Variants in BICC1 observed in about 807,000 individuals in gnomAD.
BICC1 encodes the protein protein bicaudal C homolog 1.
In BICC1, 43 loss-of-function variants were observed where a neutral mutation model predicts 111.0. The ratio of observed to expected loss-of-function variants is 0.39; its 90% CI spans 0.30 to 0.50. The LOEUF (loss-of-function observed/expected upper bound fraction) is 0.50. BICC1 is among the 20% of genes least tolerant of loss of function. The pLI, the probability that BICC1 is intolerant of heterozygous loss-of-function variation, is 0.88. For missense variants in BICC1, 1,091 were observed against 1,203.2 expected (o/e 0.91, Z 1.38); for synonymous variants, 467 against 434.4 (o/e 1.07, Z -0.93).
At chr10:58,732,263 G>GGAGA (rs142434746) in intron 3 of BICC1, among the ~76,000 whole-genome samples, 8 of 144,536 alleles carry the variant, frequency 5.5e-5, no homozygotes, top group Admixed American at 3.5e-4. Context: ...GTGGGGATGG[G>GGAGA]GAGAGAGAGA....
intron 2 of BICC1, among the ~76,000 whole-genome samples, chr10:58,686,100 A>C (rs1398464058): frequency 6.6e-6 from 1 of 152,052 alleles, no homozygotes; most frequent in East Asian, 1.9e-4. Context: ...TCTGTAAAGG[A>C]TTTTATTTCT....
intron 3 of BICC1, among the ~76,000 whole-genome samples, chr10:58,714,270 C>T (rs1840667178): frequency 6.6e-6 from 1 of 152,112 alleles, no homozygotes; most frequent in Admixed American, 6.5e-5. Flanking sequence ...ACCTGGCTTC[C>T]CTTTTTGTAG....
chr10:58,671,196 G>A (rs901560764), intron 2 of BICC1, among the ~76,000 whole-genome samples: 1 of 152,100 alleles, frequency 6.6e-6, no homozygotes, highest in African/African-American at 2.4e-5. Context: ...GATTAGAATT[G>A]TCTGCAGACA....
At chr10:58,584,090 ACACAC>A (rs1335394771) in intron 1 of BICC1, among the ~76,000 whole-genome samples, 36 of 151,756 alleles carry the variant, frequency 2.4e-4, no homozygotes, top group African/African-American at 7.5e-4. Flanking sequence ...ACACACACAC[ACACAC>A]ACACAGTTTT....
intron 1 of BICC1, among the ~76,000 whole-genome samples, chr10:58,582,800 C>T (rs1004880440): frequency 1.3e-5 from 2 of 152,182 alleles, no homozygotes; most frequent in African/African-American, 2.4e-5. Context: ...AGCAGCAAAG[C>T]ACCTGATTCT....
At chr10:58,675,468 C>G (rs1839311107) in intron 2 of BICC1, among the ~76,000 whole-genome samples, 2 of 151,996 alleles carry the variant, frequency 1.3e-5, no homozygotes, top group Admixed American at 1.3e-4. Flanking sequence ...CAATTTGCAA[C>G]AACAAGGGTG....
At chr10:58,587,020 G>A (rs369639012) in intron 1 of BICC1, among the ~76,000 whole-genome samples, 1 of 152,170 alleles carries the variant, frequency 6.6e-6, no homozygotes. Context: ...GGATAAGAAT[G>A]TTCTTTACTG....
chr10:58,687,386 G>C (rs565457034), intron 2 of BICC1, among the ~76,000 whole-genome samples: 7 of 152,348 alleles, frequency 4.6e-5, no homozygotes, highest in Non-Finnish European at 7.3e-5. Context: ...AACCACTACT[G>C]TCTTCAAAGC....
intron 3 of BICC1, among the ~76,000 whole-genome samples, chr10:58,761,500 A>T (rs1370570977): frequency 6.6e-6 from 1 of 152,172 alleles, no homozygotes; most frequent in Non-Finnish European, 1.5e-5. Flanking sequence ...TTTCCCATTT[A>T]TGTTAATTAG....
intron 3 of BICC1, among the ~76,000 whole-genome samples, chr10:58,739,074 A>T (rs553397222): frequency 0.01 from 1,570 of 152,110 alleles, 9 homozygotes; most frequent in Non-Finnish European, 0.017. Context: ...AATACCCTTT[A>T]TTTCCTTCTC....
chr10:58,611,601 A>G (rs984074975), intron 1 of BICC1, among the ~76,000 whole-genome samples: 5 of 151,164 alleles, frequency 3.3e-5, no homozygotes, highest in Non-Finnish European at 7.4e-5. Context: ...TCAGCCTCCC[A>G]AGTAGCTGGG....
rs900159845 is a variant in BICC1 at position 58,796,442 on chromosome 10, C to G, written c.1282C>G (p.Pro428Ala). ...ESSGVTIATS[P>A]SPASCPAGLA... Reference sequence around the variant, plus strand: ...CAGTGGGGTTACCATAGCAACCAGTCCATCCCCAGCATCCTGCCCTGCCGG... The same window carrying G: ...CAGTGGGGTTACCATAGCAACCAGTGCATCCCCAGCATCCTGCCCTGCCGG... The change falls in exon 10 of 21, where the codon CCA becomes GCA. Residue 428 changes from proline to alanine, a missense_variant. By Grantham distance (27) the Pro-to-Ala change is conservative. Around this residue, in one of 3 missense-constraint regions of BICC1, gnomAD observed 843 missense variants for 900.8 expected, o/e 0.94. Coordinates refer to ENST00000373886, the MANE Select transcript of BICC1 (RefSeq NM_001080512.3). 1 of 1,614,132 alleles carries G rather than the reference C, an allele frequency of 6.2e-7. No homozygotes were observed.
chr10:58,586,629 A>C (rs1181552621), intron 1 of BICC1, among the ~76,000 whole-genome samples: 5 of 33,018 alleles, frequency 1.5e-4, no homozygotes, highest in Non-Finnish European at 2.1e-4. Flanking sequence ...AAAAAAAAAA[A>C]AAACAAAAAA....
rs976035620 is a variant in BICC1, at chr10:58,710,191, G to A, written c.307+8048G>A. On this transcript the variant is annotated intron_variant, in intron 3 of 20. Transcript: ENST00000373886. ...GATGAAGAAACTAAAGCCAGTAAAG[G>A]TAGGTTAGTTTGCCCATGGTTTTCC... Among the ~76,000 whole-genome samples, 3 of 152,220 alleles carry A rather than the reference G, an allele frequency of 2.0e-5. No homozygotes were observed. In the East Asian group the frequency reaches 5.8e-4, roughly 29 times the overall value.
rs1844489598 is a variant in BICC1 at position 58,829,211 on chromosome 10, T to TTC, written c.*321_*322insCT. On this transcript the variant is annotated 3_prime_UTR_variant, in exon 21 of 21. Transcript: ENST00000373886. Reference sequence around the variant, plus strand: ...TGATGATTTTTTTTTTTTTTTTTTTTTTTTTTTTTTTACTTAAAATGAAGG... The same window carrying TTC: ...TGATGATTTTTTTTTTTTTTTTTTTTTCTTTTTTTTTTTACTTAAAATGAAGG... 1 of 160,960 alleles carries TTC rather than the reference T, an allele frequency of 6.2e-6. No individual in the cohort carries two copies. The highest frequency in any genetic ancestry group is 2.5e-5 in the African/African-American group (1 of 39,928). The allele number at this position is 160,960 out of a possible 1,614,324, so 10.0% of individuals were successfully genotyped here.
At chr10:58,604,295 G>C (rs1845137893) in intron 1 of BICC1, among the ~76,000 whole-genome samples, 1 of 152,106 alleles carries the variant, frequency 6.6e-6, no homozygotes, top group African/African-American at 2.4e-5. Context: ...CTTATAGTCT[G>C]TTTGATATTT....
In BICC1 at chr10:58,827,889, TCTC is replaced by T. The variant is rs963550215; in HGVS notation, c.2795-863_2795-861del. 1.2e-4 allele frequency among the ~76,000 whole-genome samples: 19 copies of T among 152,180 alleles called. No individual in the cohort carries two copies. In the East Asian group the frequency reaches 2.7e-3, roughly 22 times the overall value. On this transcript the variant is annotated intron_variant, in intron 20 of 20. Transcript: ENST00000373886. Reference sequence around the variant, plus strand: ...GCCTGAAACAGCAAGAGCAACCCCTTCTCCTCCTCCTTCTCAACCTACTCAACG... The same window carrying T: ...GCCTGAAACAGCAAGAGCAACCCCTTCTCCTCCTTCTCAACCTACTCAACG...
intron 3 of BICC1, among the ~76,000 whole-genome samples, chr10:58,767,471 T>C (rs557227218): frequency 2.6e-5 from 4 of 152,130 alleles, no homozygotes; most frequent in African/African-American, 7.2e-5. Flanking sequence ...CTGGAGGAGA[T>C]GACTACTACT....
At chr10:58,714,544 T>C (rs1840676698) in intron 3 of BICC1, among the ~76,000 whole-genome samples, 1 of 152,200 alleles carries the variant, frequency 6.6e-6, no homozygotes, top group African/African-American at 2.4e-5. Flanking sequence ...TCTACCCTCC[T>C]GGTTCATGTT....
Sources: gnomAD v4.1 joint callset for allele counts (sites outside exome capture counted in the v4.1 genomes callset) on GRCh38, gnomAD v4.1.1 for gene constraint, gnomAD v4.1.1 regional missense constraint, MANE v1.5 for transcripts, NCBI Gene and HGNC (gene_info 2026-07-23, HGNC 2026-07-21) for gene names.